ERBB4: variants seen among roughly 807,000 people sequenced by gnomAD.
ERBB4 encodes erb-b2 receptor tyrosine kinase 4, also known as receptor tyrosine-protein kinase erbB-4.
ERBB4 carries 42 observed loss-of-function variants against 158.0 expected under a neutral mutation model. That is an observed-to-expected ratio of 0.27 (90% CI 0.21 to 0.34). The LOEUF (loss-of-function observed/expected upper bound fraction) is 0.34, where lower values mean the gene tolerates loss of function less well. Among genes scored for constraint, ERBB4 ranks in the 10% least tolerant of loss-of-function variants. ERBB4 has a pLI of 1.00. For missense variants in ERBB4, 1,333 were observed against 1,624.1 expected (o/e 0.82, Z 3.08); for synonymous variants, 583 against 558.7 (o/e 1.04, Z -0.61).
chr2:212,000,012 C>T (rs1452941755), intron 2 of ERBB4, among the ~76,000 whole-genome samples: 5 of 151,626 alleles, frequency 3.3e-5, no homozygotes, highest in South Asian at 2.1e-4. Flanking sequence ...TTGAGGGATT[C>T]GGTAATTCCT....
At chr2:211,755,409 G>T (rs748188903) in intron 4 of ERBB4, among the ~76,000 whole-genome samples, 22 of 152,122 alleles carry the variant, frequency 1.4e-4, no homozygotes, top group Non-Finnish European at 2.5e-4. Context: ...GGTTGAGGTG[G>T]GAGGATCACT....
intron 1 of ERBB4, among the ~76,000 whole-genome samples, chr2:212,214,841 A>G: frequency 6.6e-6 from 1 of 151,728 alleles, no homozygotes; most frequent in East Asian, 1.9e-4. Flanking sequence ...TAGCCCCTAA[A>G]TAGACACAAC....
intron 4 of ERBB4, among the ~76,000 whole-genome samples, chr2:211,776,992 TG>T (rs1175784137): frequency 6.6e-6 from 1 of 152,152 alleles, no homozygotes; most frequent in African/African-American, 2.4e-5. Context: ...CTGACTGGGT[TG>T]CATTTTAGTA....
At chr2:212,099,405 A>C (rs2079020756) in intron 2 of ERBB4, among the ~76,000 whole-genome samples, 1 of 152,136 alleles carries the variant, frequency 6.6e-6, no homozygotes, top group South Asian at 2.1e-4. Context: ...GTATCTATCA[A>C]GATTTTCTCT....
Position 211,619,182 on chromosome 2 carries a change from T to C in ERBB4, c.2296A>G (p.Met766Val), listed in dbSNP as rs1306428006. ...GCCTGGGTGTCTGTACTTACATCCATGAACTCCACATTTGCCTTGGGACCA... is the reference window on the plus strand; with the variant it reads ...GCCTGGGTGTCTGTACTTACATCCACGAACTCCACATTTGCCTTGGGACCA... ...TTGPKANVEF[M>V]DEALIMASMD... Residue 766 changes from methionine (M) to valine (V), a missense_variant, in exon 19 of 28, where the codon ATG (methionine) becomes GTG (valine). Met to Val is a conservative substitution (Grantham distance 21). Transcript: ENST00000342788. 7 of 1,584,414 alleles carry C rather than the reference T, an allele frequency of 4.4e-6. No individual in the cohort carries two copies. Among genetic ancestry groups the C allele is most frequent in the Non-Finnish European group, 5.2e-6 (6 of 1,153,238 alleles).
At chr2:211,742,673 A>G (rs1264659037) in intron 5 of ERBB4, among the ~76,000 whole-genome samples, 2 of 152,104 alleles carry the variant, frequency 1.3e-5, no homozygotes, top group Admixed American at 6.5e-5. Flanking sequence ...ATGCCCAAGC[A>G]TAATAAATTA....
At position 211,624,054 on chromosome 2, in the gene ERBB4, G is replaced by C; in HGVS notation, c.2080-10C>G. On this transcript the variant is annotated splice_polypyrimidine_tract_variant and intron_variant, in intron 17 of 27. Coordinates refer to ENST00000342788, the MANE Select transcript of ERBB4 (RefSeq NM_005235.3). ...TTAATGGTTCCACCAACTGCAAAGC[G>C]GAAAGAAGAAGGTTATACTTTCAGT... is the stretch of plus-strand genomic sequence containing the variant. 1 of 1,613,882 alleles carries C rather than the reference G, an allele frequency of 6.2e-7. No individual in the cohort carries two copies. Among genetic ancestry groups the C allele is most frequent in the Non-Finnish European group, 8.5e-7 (1 of 1,179,888 alleles).
At chr2:212,408,307 G>T (rs1243067021) in intron 1 of ERBB4, among the ~76,000 whole-genome samples, 4 of 151,492 alleles carry the variant, frequency 2.6e-5, no homozygotes, top group Admixed American at 1.3e-4. Flanking sequence ...TGTTCTCATT[G>T]TTCAGCTCCC....
rs973911385 is a variant in ERBB4 at position 212,401,501 on chromosome 2, A to G, written c.82+136948T>C. On this transcript the variant is annotated intron_variant, in intron 1 of 27. Coordinates refer to ENST00000342788, the MANE Select transcript of ERBB4 (RefSeq NM_005235.3). Reference sequence around the variant, plus strand: ...TTTTTATATTTGTTAATATATTTACACTACTAAAACAGATCTGCACAATAT... The same window carrying G: ...TTTTTATATTTGTTAATATATTTACGCTACTAAAACAGATCTGCACAATAT... 3.9e-5 allele frequency among the ~76,000 whole-genome samples: 6 copies of G among 152,136 alleles called. No homozygotes were observed. The South Asian group carries it at 8.3e-4, about 21-fold the overall frequency.
intron 2 of ERBB4, among the ~76,000 whole-genome samples, chr2:211,980,922 C>T (rs2081774406): frequency 6.6e-6 from 1 of 151,978 alleles, no homozygotes; most frequent in Non-Finnish European, 1.5e-5. Flanking sequence ...ATCATCACTG[C>T]TTTTTAACCT....
At chr2:212,187,654 A>G (rs17344915) in intron 1 of ERBB4, among the ~76,000 whole-genome samples, 25,524 of 152,042 alleles carry the variant, frequency 0.17, 2,554 homozygotes, top group Non-Finnish European at 0.22. Flanking sequence ...ATTTGTTACT[A>G]ATTTGTAGAA....
chr2:211,949,500 ATTAAG>A (rs1332953730), intron 2 of ERBB4, among the ~76,000 whole-genome samples: 3 of 152,230 alleles, frequency 2.0e-5, no homozygotes, highest in African/African-American at 7.2e-5. Flanking sequence ...TTTGAGATAA[ATTAAG>A]TTAAATAAAA....
intron 20 of ERBB4, among the ~76,000 whole-genome samples, chr2:211,456,018 T>G (rs1369888724): frequency 6.6e-6 from 1 of 152,238 alleles, no homozygotes. Context: ...TATCACATAC[T>G]GACATACATA....
intron 1 of ERBB4, among the ~76,000 whole-genome samples, chr2:212,126,642 T>C (rs142373469): frequency 6.6e-6 from 1 of 151,850 alleles, no homozygotes; most frequent in African/African-American, 2.4e-5. Flanking sequence ...GTAAAGAAAA[T>C]GGTTTGGTAA....
chr2:212,019,028 A>G (rs1261571845), intron 2 of ERBB4, among the ~76,000 whole-genome samples: 5 of 152,062 alleles, frequency 3.3e-5, no homozygotes, highest in Admixed American at 2.0e-4. Flanking sequence ...ACATTCATTG[A>G]CATATACCAA....
intron 20 of ERBB4, among the ~76,000 whole-genome samples, chr2:211,456,424 G>A (rs114438966): frequency 0.016 from 2,462 of 152,020 alleles, 58 homozygotes; most frequent in African/African-American, 0.056. Context: ...GCAAATTTTC[G>A]AAACATAATG....
intron 20 of ERBB4, among the ~76,000 whole-genome samples, chr2:211,440,865 A>G (rs1215323201): frequency 6.6e-6 from 1 of 152,200 alleles, no homozygotes; most frequent in Non-Finnish European, 1.5e-5. Flanking sequence ...GTATCCACAT[A>G]AGGGGTTGAA....
At chr2:212,239,898 C>A (rs905564342) in intron 1 of ERBB4, among the ~76,000 whole-genome samples, 1 of 151,958 alleles carries the variant, frequency 6.6e-6, no homozygotes, top group East Asian at 1.9e-4. Context: ...CAAGTTAAAT[C>A]GAAAATATTG....
intron 5 of ERBB4, among the ~76,000 whole-genome samples, chr2:211,729,028 T>A (rs1054104987): frequency 1.3e-5 from 2 of 151,780 alleles, no homozygotes; most frequent in African/African-American, 4.8e-5. Context: ...TCCAATGTAG[T>A]ACAATCTTAG....
Sources: allele counts gnomAD v4.1 joint callset (sites outside exome capture counted in the v4.1 genomes callset), GRCh38; gene constraint gnomAD v4.1.1; transcripts MANE v1.5; gene names NCBI Gene and HGNC (gene_info 2026-07-23, HGNC 2026-07-21).